Variants in CDKAL1 observed in about 807,000 individuals in gnomAD.
CDKAL1 encodes the protein CDKAL1 threonylcarbamoyladenosine tRNA methylthiotransferase.
CDKAL1 carries 32 observed loss-of-function variants against 68.2 expected under a neutral mutation model. The observed-to-expected ratio is 0.47, with a 90% confidence interval of 0.35 to 0.63. The LOEUF is 0.63. CDKAL1 is among the 30% of genes least tolerant of loss of function. The pLI is 0.00. For missense variants in CDKAL1, 606 were observed against 696.7 expected, an observed-to-expected ratio of 0.87 and a Z score of 1.47; for synonymous variants, 234 against 244.3, an observed-to-expected ratio of 0.96 and a Z score of 0.39.
At chr6:20,549,478 G>A (rs1026008890) in intron 4 of CDKAL1, among the ~76,000 whole-genome samples, 10 of 151,738 alleles carry the variant, frequency 6.6e-5, no homozygotes, top group African/African-American at 2.2e-4. Context: ...TCAACCTTTG[G>A]CCTGTTAATT....
chr6:20,721,906 C>G (rs1249440622), intron 5 of CDKAL1, among the ~76,000 whole-genome samples: 1 of 151,572 alleles, frequency 6.6e-6, no homozygotes, highest in Non-Finnish European at 1.5e-5. Context: ...CTAATTTTTG[C>G]ATTTTTAGTA....
chr6:21,217,206 T>C (rs1226410858), intron 15 of CDKAL1, among the ~76,000 whole-genome samples: 1 of 151,712 alleles, frequency 6.6e-6, no homozygotes, highest in Non-Finnish European at 1.5e-5. Context: ...TCAGATTTTC[T>C]CTTCAGCAAA....
At chr6:21,001,959 C>T (rs1393828408) in intron 11 of CDKAL1, among the ~76,000 whole-genome samples, 2 of 152,150 alleles carry the variant, frequency 1.3e-5, no homozygotes, top group Admixed American at 1.3e-4. Flanking sequence ...TAGTTTGTTG[C>T]ATTAGTGTGA....
At chr6:21,139,414 G>C (rs1263254611) in intron 13 of CDKAL1, among the ~76,000 whole-genome samples, 2 of 152,196 alleles carry the variant, frequency 1.3e-5, no homozygotes, top group Non-Finnish European at 2.9e-5. Context: ...GTTATTCCTG[G>C]TCATCAACAT....
intron 4 of CDKAL1, among the ~76,000 whole-genome samples, chr6:20,645,687 C>T (rs1261351207): frequency 3.3e-5 from 5 of 151,454 alleles, no homozygotes; most frequent in East Asian, 3.9e-4. Flanking sequence ...GCCGAGATTG[C>T]GCCACTGTAC....
At chr6:21,093,488 A>G (rs777869494) in intron 12 of CDKAL1, among the ~76,000 whole-genome samples, 4 of 152,162 alleles carry the variant, frequency 2.6e-5, no homozygotes, top group Non-Finnish European at 4.4e-5. Context: ...ATGATGGTAA[A>G]TGGGACAGCC....
At chr6:20,836,962 C>T (rs1777976191) in intron 8 of CDKAL1, among the ~76,000 whole-genome samples, 1 of 152,172 alleles carries the variant, frequency 6.6e-6, no homozygotes, top group South Asian at 2.1e-4. Context: ...CATTTTCTCT[C>T]TCTGGTAAAT....
At chr6:20,794,901 A>G (rs993984653) in intron 8 of CDKAL1, among the ~76,000 whole-genome samples, 1 of 152,128 alleles carries the variant, frequency 6.6e-6, no homozygotes, top group Admixed American at 6.6e-5. Context: ...GTTAGTTTGT[A>G]TTGAAATATA....
chr6:20,986,967 A>G (rs1183827310), intron 10 of CDKAL1, among the ~76,000 whole-genome samples: 3 of 152,226 alleles, frequency 2.0e-5, no homozygotes, highest in East Asian at 3.9e-4. Context: ...CCATTAAGAC[A>G]GCACAGTTCA....
chr6:21,135,581 G>A (rs990509056), intron 13 of CDKAL1: 20 of 547,514 alleles, frequency 3.7e-5, no homozygotes, highest in East Asian at 3.0e-4. Context: ...ACTTTTCCCC[G>A]GTAAAGGACC....
At chr6:20,803,738 T>C (rs1181722988) in intron 8 of CDKAL1, among the ~76,000 whole-genome samples, 1 of 152,092 alleles carries the variant, frequency 6.6e-6, no homozygotes, top group Non-Finnish European at 1.5e-5. Flanking sequence ...TCAGGGGAGC[T>C]GATGTTATTC....
chr6:21,093,123 C>A (rs7768086), intron 12 of CDKAL1, among the ~76,000 whole-genome samples: 41,188 of 151,882 alleles, frequency 0.27, 5,736 homozygotes, highest in Middle Eastern at 0.33. Flanking sequence ...GAAAGCAATC[C>A]CCATGGACGC....
chr6:21,108,280 TAAA>T (rs77019216), intron 12 of CDKAL1, 118 bp from the exon 13 acceptor site: 970 of 455,598 alleles, frequency 2.1e-3, no homozygotes, highest in Middle Eastern at 2.5e-3. Context: ...AAGAATCTCT[TAAA>T]AAAAAAAAAA....
intron 4 of CDKAL1, among the ~76,000 whole-genome samples, chr6:20,549,757 C>T (rs1763743512): frequency 6.6e-6 from 1 of 151,902 alleles, no homozygotes; most frequent in South Asian, 2.1e-4. Flanking sequence ...CAGGCATATG[C>T]CACCATGCCT....
At chr6:21,153,096 A>G (rs1776489621) in intron 13 of CDKAL1, among the ~76,000 whole-genome samples, 1 of 152,228 alleles carries the variant, frequency 6.6e-6, no homozygotes. Context: ...TATATGAATT[A>G]GATATATATG....
chr6:21,183,891 A>AC (rs1439732708), intron 13 of CDKAL1, among the ~76,000 whole-genome samples: 3 of 152,004 alleles, frequency 2.0e-5, no homozygotes, highest in Non-Finnish European at 4.4e-5. Context: ...AACTGAATGC[A>AC]CCCCTCCTCT....
intron 9 of CDKAL1, among the ~76,000 whole-genome samples, chr6:20,856,167 GT>G (rs1292546565): frequency 6.6e-6 from 1 of 152,194 alleles, no homozygotes; most frequent in African/African-American, 2.4e-5. Flanking sequence ...AGGAGCACGT[GT>G]TTCCCATTGC....
intron 1 of CDKAL1, chr6:20,535,121 GT>G (rs1763117138): frequency 6.6e-6 from 1 of 152,146 alleles, no homozygotes; most frequent in African/African-American, 2.4e-5. Flanking sequence ...ACGTGTTGCG[GT>G]GCTGAATACA....
At chr6:20,878,817 G>C (rs912948676) in intron 9 of CDKAL1, among the ~76,000 whole-genome samples, 1 of 151,612 alleles carries the variant, frequency 6.6e-6, no homozygotes, top group South Asian at 2.1e-4. Flanking sequence ...GGTGGCTCAC[G>C]CCTGTAATCC....
Sources: allele counts gnomAD v4.1 joint callset (sites outside exome capture counted in the v4.1 genomes callset), GRCh38; gene constraint gnomAD v4.1.1; transcripts MANE v1.5; gene names NCBI Gene and HGNC (gene_info 2026-07-23, HGNC 2026-07-21).